Variants in WDFY4 observed in about 807,000 individuals in gnomAD.
WDFY4 encodes the protein WD repeat- and FYVE domain-containing protein 4.
Under a neutral mutation model 351.9 loss-of-function variants are expected in WDFY4, and 169 were observed. The observed-to-expected ratio is 0.48, with a 90% CI of 0.42 to 0.55. The LOEUF (loss-of-function observed/expected upper bound fraction) is 0.55, where lower values mean the gene tolerates loss of function less well. Ranked by LOEUF, WDFY4 falls within the 20% of genes least tolerant of loss-of-function variation. The probability of loss-of-function intolerance (pLI) is 0.00; values close to 1 mark genes in which losing one functional copy is unlikely to be tolerated. For synonymous variants in WDFY4, 1,622 were observed against 1,574.6 expected (o/e 1.03, Z -0.71); for missense variants, 3,803 against 3,935.6 (o/e 0.97, Z 0.90).
intron 24 of WDFY4, among the ~76,000 whole-genome samples, chr10:48,803,034 C>A (rs1293780158): frequency 6.6e-6 from 1 of 152,058 alleles, no homozygotes; most frequent in Non-Finnish European, 1.5e-5. Flanking sequence ...TTAGTGCAGG[C>A]GTCCTTGGTT....
intron 44 of WDFY4, among the ~76,000 whole-genome samples, chr10:48,896,215 C>T (rs1589828886): frequency 6.6e-6 from 1 of 152,208 alleles, no homozygotes; most frequent in South Asian, 2.1e-4. Flanking sequence ...TCAGACATGC[C>T]GCCAAGGGGC....
intron 1 of WDFY4, among the ~76,000 whole-genome samples, chr10:48,693,840 A>G (rs1208998749): frequency 6.6e-6 from 1 of 152,190 alleles, no homozygotes; most frequent in Non-Finnish European, 1.5e-5. Flanking sequence ...ACCTAAAAGC[A>G]GAGTTTTCTG....
chr10:48,928,327 G>A (rs980637580), intron 47 of WDFY4, among the ~76,000 whole-genome samples: 5 of 151,416 alleles, frequency 3.3e-5, no homozygotes, highest in East Asian at 1.9e-4. Context: ...AGGGCAATGC[G>A]TGGCCCTTGG....
Position 48,820,403 on chromosome 10 carries a change from C to A in WDFY4, c.5675C>A (p.Pro1892His), listed in dbSNP as rs2067778428. ...GAGCTCCTGCTTGGAGCCTCCAGCCCCAAGCAGTGGCTGCCCCTGGAGGTG... is the reference window on the plus strand; with the variant it reads ...GAGCTCCTGCTTGGAGCCTCCAGCCACAAGCAGTGGCTGCCCCTGGAGGTG... ...LRELLLGASS[P>H]KQWLPLEVLL... The change falls in exon 33 of 62, where the codon CCC (proline) becomes CAC (histidine). Residue 1892 changes from proline (P) to histidine (H), a missense_variant. Around this residue, in one of 3 missense-constraint regions of WDFY4, gnomAD observed 3,054 missense variants for 3,148.6 expected, o/e 0.97. Coordinates refer to ENST00000325239, the MANE Select transcript of WDFY4 (RefSeq NM_001394531.1). 6.4e-7 allele frequency: 1 copy of A among 1,551,560 alleles called. No homozygotes were observed. Among genetic ancestry groups the A allele is most frequent in the South Asian group, 1.2e-5 (1 of 84,056 alleles).
chr10:48,973,722 AG>A (rs1217906544), intron 57 of WDFY4, among the ~76,000 whole-genome samples: 2 of 152,202 alleles, frequency 1.3e-5, no homozygotes, highest in Non-Finnish European at 2.9e-5. Flanking sequence ...GCAGTTGGCC[AG>A]GGGGTACCAG....
intron 10 of WDFY4, among the ~76,000 whole-genome samples, chr10:48,734,503 G>A (rs1369603029): frequency 1.4e-5 from 2 of 140,864 alleles, no homozygotes; most frequent in African/African-American, 5.4e-5. Context: ...GTGGCTTCTG[G>A]GTTTTAAAAA....
Position 48,735,168 on chromosome 10 carries a change from C to A in WDFY4, c.1688-712C>A, listed in dbSNP as rs1181967662. Among the ~76,000 whole-genome samples, 3 of 152,158 alleles carry A rather than the reference C, an allele frequency of 2.0e-5. No individual in the cohort carries two copies. The East Asian group carries it at 5.8e-4, about 29-fold the overall frequency. On this transcript the variant is annotated intron_variant, in intron 10 of 61. Coordinates refer to ENST00000325239, the MANE Select transcript of WDFY4 (RefSeq NM_001394531.1). ...TAGCCCATAATTGGAAAAATCCTGT[C>A]TGCTCAAATCTCCATCAAGCCATTT...
chr10:48,726,817 A>C lies in WDFY4; in HGVS notation c.782-653A>C, dbSNP rs114694694. 5.1e-3 allele frequency among the ~76,000 whole-genome samples: 780 copies of C among 152,316 alleles called. 6 individuals are homozygous for C. Among genetic ancestry groups the C allele is most frequent in the African/African-American group, 0.018 (739 of 41,568 alleles). On this transcript the variant is annotated intron_variant, in intron 6 of 61. Transcript: ENST00000325239. ...GATCCACTGGATTGGCTTCCCCAGCACTCAGAAGAGGCTTCTCTTGATGAG... is the reference window on the plus strand; with the variant it reads ...GATCCACTGGATTGGCTTCCCCAGCCCTCAGAAGAGGCTTCTCTTGATGAG...
At chr10:48,771,615 C>T (rs80180887) in intron 13 of WDFY4, among the ~76,000 whole-genome samples, 1 of 152,188 alleles carries the variant, frequency 6.6e-6, no homozygotes, top group Non-Finnish European at 1.5e-5. Context: ...CTTCAAGAGC[C>T]TTGTGAAATG....
chr10:48,698,492 G>T (rs1462587790), intron 1 of WDFY4, among the ~76,000 whole-genome samples: 1 of 152,104 alleles, frequency 6.6e-6, no homozygotes, highest in African/African-American at 2.4e-5. Flanking sequence ...AACAGTGAGG[G>T]GCAAGAGGCC....
rs1238873740 is a variant in WDFY4 at position 48,974,878 on chromosome 10, C to T, written c.8945C>T (p.Thr2982Ile). The T allele has an allele frequency of 6.5e-7, 1 of 1,548,120 alleles. No homozygotes were observed. The highest frequency in any genetic ancestry group is 1.2e-5 in the South Asian group (1 of 83,654). ...LRLRQALYGHTQAVTCLAASV... is the reference protein window; with the variant it reads ...LRLRQALYGHIQAVTCLAASV... ...TGTCCCCAGGCCTTGTATGGACACA[C>T]ACAGGCTGTCACGTGCCTGGCAGCG... Residue 2982 changes from threonine to isoleucine, a missense_variant, in exon 58 of 62, where the codon ACA becomes ATA. Thr to Ile is a moderately conservative substitution (Grantham distance 89). Transcript: ENST00000325239.
chr10:48,690,677 T>C (rs531422941), intron 1 of WDFY4, among the ~76,000 whole-genome samples: 3 of 152,182 alleles, frequency 2.0e-5, no homozygotes, highest in Non-Finnish European at 4.4e-5. Context: ...CTGGAGAAGG[T>C]AGCTCTTCTC....
At chr10:48,823,847 G>A (rs2067910559) in intron 35 of WDFY4, 1 of 983,780 alleles carries the variant, frequency 1.0e-6, no homozygotes, top group African/African-American at 1.8e-5. Context: ...CTTAACCTCT[G>A]TTTGAGACCC....
rs151105999 is a variant in WDFY4 at position 48,891,559 on chromosome 10, A to G, written c.7316+832A>G. Among the ~76,000 whole-genome samples the G allele has an allele frequency of 3.9e-3, 599 of 152,320 alleles. 4 individuals carry two copies. The highest frequency in any genetic ancestry group is 6.8e-3 in the Middle Eastern group (2 of 294). On this transcript the variant is annotated intron_variant, in intron 44 of 61. Coordinates refer to ENST00000325239, the MANE Select transcript of WDFY4 (RefSeq NM_001394531.1). ...AGATAGGCCTTGCCTTTTCCAGTTGACCCAGGTTCAGATAATGACAAGATG... is the reference window on the plus strand; with the variant it reads ...AGATAGGCCTTGCCTTTTCCAGTTGGCCCAGGTTCAGATAATGACAAGATG...
intron 43 of WDFY4, among the ~76,000 whole-genome samples, chr10:48,889,444 T>C (rs1033838394): frequency 6.6e-6 from 1 of 152,182 alleles, no homozygotes; most frequent in Non-Finnish European, 1.5e-5. Flanking sequence ...CCAGGCTGTG[T>C]CACTTAGTAG....
intron 19 of WDFY4, among the ~76,000 whole-genome samples, chr10:48,780,849 C>T (rs2066196755): frequency 6.6e-6 from 1 of 152,234 alleles, no homozygotes; most frequent in Non-Finnish European, 1.5e-5. Context: ...TTAAAGTTCT[C>T]TTGCACAGGC....
chr10:48,721,236 C>T (rs1406303210), intron 3 of WDFY4, 25 bp from the exon 4 acceptor site: 10 of 1,546,270 alleles, frequency 6.5e-6, no homozygotes, highest in Non-Finnish European at 8.8e-6. Flanking sequence ...TCGCTGTATG[C>T]CCTGCTGGTG....
At chr10:48,751,453 T>C (rs1227585166) in intron 12 of WDFY4, among the ~76,000 whole-genome samples, 1 of 152,198 alleles carries the variant, frequency 6.6e-6, no homozygotes, top group African/African-American at 2.4e-5. Flanking sequence ...GAGCTGTCAG[T>C]TGCTCCTTCC....
chr10:48,966,435 C>A, intron 54 of WDFY4, 91 bp from the exon 55 acceptor site: 1 of 1,402,224 alleles, frequency 7.1e-7, no homozygotes, highest in Admixed American at 2.4e-5. Context: ...GTGGCAACCC[C>A]CAGAGACAGG....
Sources: gnomAD v4.1 joint callset for allele counts (sites outside exome capture counted in the v4.1 genomes callset) on GRCh38, gnomAD v4.1.1 for gene constraint, gnomAD v4.1.1 regional missense constraint, MANE v1.5 for transcripts, NCBI Gene and HGNC (gene_info 2026-07-23, HGNC 2026-07-21) for gene names.